Variants in KCNN3 observed in about 807,000 individuals in gnomAD.
KCNN3 encodes potassium calcium-activated channel subfamily N member 3.
KCNN3 carries 16 observed loss-of-function variants against 62.9 expected under a neutral mutation model. The observed-to-expected ratio is 0.25, with a 90% CI of 0.17 to 0.39. KCNN3 has a LOEUF of 0.39. Among genes scored for constraint, KCNN3 ranks in the 10% least tolerant of loss-of-function variants. The probability of loss-of-function intolerance (pLI) is 1.00; values close to 1 mark genes in which losing one functional copy is unlikely to be tolerated. For missense variants in KCNN3, 599 were observed against 949.4 expected (o/e 0.63, Z 4.85); for synonymous variants, 370 against 389.2 (o/e 0.95, Z 0.58).
intron 3 of KCNN3, among the ~76,000 whole-genome samples, chr1:154,771,101 A>G (rs1387057984): frequency 7.1e-6 from 1 of 141,516 alleles, no homozygotes. Context: ...ATAAATAAAT[A>G]AATAAATAAA....
intron 7 of KCNN3, among the ~76,000 whole-genome samples, chr1:154,710,554 T>C (rs1024139873): frequency 2.0e-5 from 3 of 152,062 alleles, no homozygotes; most frequent in African/African-American, 7.2e-5. Flanking sequence ...TTCACAGGAG[T>C]GTCTTTCCAG....
At chr1:154,843,390 C>T (rs1176540297) in intron 1 of KCNN3, among the ~76,000 whole-genome samples, 3 of 152,178 alleles carry the variant, frequency 2.0e-5, no homozygotes, top group African/African-American at 4.8e-5. Flanking sequence ...CCCCGGGCTT[C>T]CAGGCAGCAC....
At chr1:154,851,405 C>T (rs1181753615) in intron 1 of KCNN3, among the ~76,000 whole-genome samples, 1 of 152,198 alleles carries the variant, frequency 6.6e-6, no homozygotes, top group Non-Finnish European at 1.5e-5. Context: ...TGACCTCTTA[C>T]AACCCCTGGG....
At chr1:154,784,532 T>C in intron 2 of KCNN3, among the ~76,000 whole-genome samples, 1 of 152,332 alleles carries the variant, frequency 6.6e-6, no homozygotes, top group East Asian at 1.9e-4. Flanking sequence ...CCTAAGCTGG[T>C]CCCTTCTGAC....
At chr1:154,816,138 T>C (rs1650653432) in intron 2 of KCNN3, among the ~76,000 whole-genome samples, 1 of 152,230 alleles carries the variant, frequency 6.6e-6, no homozygotes, top group Admixed American at 6.5e-5. Context: ...CTCCCCTTTT[T>C]TTGGTCCCTT....
At chr1:154,760,889 C>G (rs1647978375) in intron 3 of KCNN3, among the ~76,000 whole-genome samples, 1 of 137,488 alleles carries the variant, frequency 7.3e-6, no homozygotes, top group South Asian at 2.2e-4. Context: ...AAAGGCGCCC[C>G]GCGGCCCTGT....
At chr1:154,738,378 A>G (rs992125947) in intron 3 of KCNN3, among the ~76,000 whole-genome samples, 2 of 152,252 alleles carry the variant, frequency 1.3e-5, no homozygotes, top group African/African-American at 4.8e-5. Context: ...TCCAAACCAG[A>G]GACCAGAAAT....
chr1:154,754,036 A>G (rs1647515169), intron 3 of KCNN3, among the ~76,000 whole-genome samples: 1 of 152,186 alleles, frequency 6.6e-6, no homozygotes, highest in African/African-American at 2.4e-5. Flanking sequence ...TCCATGTAGG[A>G]ATGCAAAGTA....
At chr1:154,784,990 G>T (rs1270845613) in intron 2 of KCNN3, among the ~76,000 whole-genome samples, 1 of 152,238 alleles carries the variant, frequency 6.6e-6, no homozygotes, top group Non-Finnish European at 1.5e-5. Flanking sequence ...GGCTTGTTGG[G>T]CTGAGCCCCA....
At chr1:154,845,098 G>A (rs1005675695) in intron 1 of KCNN3, among the ~76,000 whole-genome samples, 1 of 152,004 alleles carries the variant, frequency 6.6e-6, no homozygotes, top group Admixed American at 6.5e-5. Context: ...CACCAGGGAT[G>A]GCAAACCCCT....
intron 1 of KCNN3, among the ~76,000 whole-genome samples, chr1:154,844,349 G>A (rs1415096919): frequency 6.6e-6 from 1 of 152,250 alleles, no homozygotes; most frequent in Non-Finnish European, 1.5e-5. Flanking sequence ...CATGAAAACA[G>A]TCTCTAAATC....
At chr1:154,868,014 G>T in intron 1 of KCNN3, 1 of 985,444 alleles carries the variant, frequency 1.0e-6, no homozygotes, top group Non-Finnish European at 1.2e-6. Flanking sequence ...GGACTGAGAG[G>T]CTGGAGCAGT....
At chr1:154,767,192 A>T (rs959063841) in intron 3 of KCNN3, among the ~76,000 whole-genome samples, 1 of 152,172 alleles carries the variant, frequency 6.6e-6, no homozygotes, top group Non-Finnish European at 1.5e-5. Flanking sequence ...TAATGAGAGA[A>T]AGAATGGGCC....
intron 1 of KCNN3, among the ~76,000 whole-genome samples, chr1:154,828,823 C>T (rs1412399105): frequency 2.6e-5 from 4 of 152,270 alleles, no homozygotes; most frequent in African/African-American, 7.2e-5. Context: ...GAGCTGCTCA[C>T]TGCACCCCCA....
intron 2 of KCNN3, among the ~76,000 whole-genome samples, chr1:154,802,205 C>T (rs111972769): frequency 1.4e-4 from 22 of 152,262 alleles, no homozygotes; most frequent in African/African-American, 5.3e-4. Flanking sequence ...AACAACTAGT[C>T]CAACAGCTAA....
chr1:154,771,104 TAAA>T (rs1648540409), intron 3 of KCNN3, among the ~76,000 whole-genome samples: 1 of 117,846 alleles, frequency 8.5e-6, no homozygotes, highest in African/African-American at 2.8e-5. Flanking sequence ...AATAAATAAA[TAAA>T]TAAAATGAAA....
chr1:154,865,174 G>A (rs1652905560), intron 1 of KCNN3, among the ~76,000 whole-genome samples: 1 of 152,036 alleles, frequency 6.6e-6, no homozygotes, highest in African/African-American at 2.4e-5. Flanking sequence ...AATGGAGTGG[G>A]TGTGCCCCAA....
At chr1:154,800,652 A>C (rs1649917615) in intron 2 of KCNN3, among the ~76,000 whole-genome samples, 1 of 152,308 alleles carries the variant, frequency 6.6e-6, no homozygotes, top group African/African-American at 2.4e-5. Flanking sequence ...GATGCCAGCC[A>C]GCCTGAGAAA....
Position 154,699,094 on chromosome 1 carries a change from AGAAAAATGTTTTCCAAAG to A in KCNN3, c.*8864_*8881del, listed in dbSNP as rs1272871727. On this transcript the variant is annotated 3_prime_UTR_variant, in exon 8 of 8. Coordinates refer to ENST00000271915, the MANE Select transcript of KCNN3 (RefSeq NM_002249.6). ...CAAGGGAAAACAAAGTCACTGAAAC[AGAAAAATGTTTTCCAAAG>A]GAAAAATGTTTCCTCTTTGGTGACC... The A allele has an allele frequency of 6.6e-6, 1 of 152,154 alleles. No individual in the cohort carries two copies. Among genetic ancestry groups the A allele is most frequent in the Non-Finnish European group, 1.5e-5 (1 of 68,026 alleles). The allele number at this position is 152,154 out of a possible 1,614,324, so 9.4% of individuals were successfully genotyped here. A position where few individuals can be genotyped will look rare whatever the true frequency, so the allele number is the denominator to read the frequency against.
Sources: gnomAD v4.1 joint callset for allele counts (sites outside exome capture counted in the v4.1 genomes callset) on GRCh38, gnomAD v4.1.1 for gene constraint, MANE v1.5 for transcripts, NCBI Gene and HGNC (gene_info 2026-07-23, HGNC 2026-07-21) for gene names.